Variants in RBPMS observed in about 807,000 individuals in gnomAD.
The protein encoded by RBPMS is RNA-binding protein with multiple splicing.
In RBPMS, 7 loss-of-function variants were observed where a neutral mutation model predicts 26.8. The ratio of observed to expected loss-of-function variants is 0.26; its 90% CI spans 0.15 to 0.49. The LOEUF is 0.49. Ranked by LOEUF, RBPMS falls within the 20% of genes least tolerant of loss-of-function variation. The pLI is 0.98. For synonymous variants in RBPMS, 96 were observed against 93.3 expected (o/e 1.03, Z -0.17); for missense variants, 186 against 250.0 (o/e 0.74, Z 1.73).
chr8:30,556,221 C>G, intron 6 of RBPMS: 1 of 985,424 alleles, frequency 1.0e-6, no homozygotes, highest in Non-Finnish European at 1.2e-6. Flanking sequence ...CCACCTATTG[C>G]ATCACTGGCG....
intron 6 of RBPMS, among the ~76,000 whole-genome samples, chr8:30,545,981 C>A (rs2151052681): frequency 6.6e-6 from 1 of 152,304 alleles, no homozygotes; most frequent in East Asian, 1.9e-4. Flanking sequence ...CCTTCCCCTG[C>A]TGCTTTTTCT....
At chr8:30,453,290 GC>G (rs1186937094) in intron 1 of RBPMS, among the ~76,000 whole-genome samples, 1 of 152,096 alleles carries the variant, frequency 6.6e-6, no homozygotes, top group Non-Finnish European at 1.5e-5. Flanking sequence ...CAGAATCTCA[GC>G]CCCCACGTTA....
In RBPMS at chr8:30,511,538, T is replaced by TACC. The variant is rs1821696418; in HGVS notation, c.397+7102_397+7103insACC. Among the ~76,000 whole-genome samples the TACC allele has an allele frequency of 2.3e-5, 3 of 130,786 alleles. No homozygotes were observed. The East Asian group carries it at 7.2e-4, about 32-fold the overall frequency. The allele number at this position is 130,786 out of a possible 152,430, so 85.8% of individuals were successfully genotyped here. ...ATATATATATATATTTCTGTGTGTG[T>TACC]GTGTGTGTGTGTATGTATAGATATA... On this transcript the variant is annotated intron_variant, in intron 5 of 8. Coordinates refer to ENST00000397323, the MANE Select transcript of RBPMS (RefSeq NM_001008710.3).
intron 1 of RBPMS, chr8:30,446,854 C>CACACGT (rs113940653): frequency 2.2e-5 from 3 of 138,074 alleles, no homozygotes; most frequent in African/African-American, 2.9e-5. Flanking sequence ...CGCGCGCGCG[C>CACACGT]GCGCGGTGGA....
At chr8:30,472,173 T>A (rs1245493474) in intron 1 of RBPMS, among the ~76,000 whole-genome samples, 1 of 152,234 alleles carries the variant, frequency 6.6e-6, no homozygotes, top group East Asian at 1.9e-4. Flanking sequence ...AACATGTGAA[T>A]GGATAAACTG....
chr8:30,501,865 CTT>C (rs1319162535), intron 4 of RBPMS, among the ~76,000 whole-genome samples: 3 of 152,110 alleles, frequency 2.0e-5, no homozygotes, highest in African/African-American at 4.8e-5. Flanking sequence ...ATTTTTTTCT[CTT>C]GTCTTCTTCC....
intron 1 of RBPMS, among the ~76,000 whole-genome samples, chr8:30,422,703 G>T (rs551739281): frequency 2.0e-5 from 3 of 152,260 alleles, no homozygotes; most frequent in African/African-American, 7.2e-5. Flanking sequence ...ATAGATACCT[G>T]AGTGTGGATT....
intron 1 of RBPMS, among the ~76,000 whole-genome samples, chr8:30,436,689 A>T (rs1377986349): frequency 6.6e-6 from 1 of 152,108 alleles, no homozygotes; most frequent in African/African-American, 2.4e-5. Flanking sequence ...CTGCTTCTCC[A>T]AGTCTAGGGT....
chr8:30,520,370 C>T (rs1822899546), intron 5 of RBPMS, among the ~76,000 whole-genome samples: 1 of 152,134 alleles, frequency 6.6e-6, no homozygotes, highest in Non-Finnish European at 1.5e-5. Flanking sequence ...ATTGTTTCCC[C>T]TTTCCCTACT....
At chr8:30,546,361 T>C (rs1825867798) in intron 6 of RBPMS, among the ~76,000 whole-genome samples, 1 of 152,242 alleles carries the variant, frequency 6.6e-6, no homozygotes, top group South Asian at 2.1e-4. Flanking sequence ...CAGAAAGTAC[T>C]GGGAATAGTG....
In RBPMS at chr8:30,385,024, T is replaced by A; in HGVS notation, c.-69T>A. ...CCCCGGCGCCCGGGGAAGGCTCCAG[T>A]GGGCTAGCGCGCCCTCGCCCAGCCC... On this transcript the variant is annotated 5_prime_UTR_variant, in exon 1 of 9. Coordinates refer to ENST00000397323, the MANE Select transcript of RBPMS (RefSeq NM_001008710.3). 1 of 1,303,146 alleles carries A rather than the reference T, an allele frequency of 7.7e-7. No homozygotes were observed. 80.7% of individuals were successfully genotyped at this position (1,303,146 alleles called of 1,614,324 possible).
chr8:30,545,048 A>G, intron 6 of RBPMS: 1 of 1,391,310 alleles, frequency 7.2e-7, no homozygotes, highest in Non-Finnish European at 9.4e-7. Flanking sequence ...AGAGTTTTCC[A>G]CTCTCGTGTA....
At chr8:30,570,100 CTA>C (rs1828165844) in intron 8 of RBPMS, among the ~76,000 whole-genome samples, 1 of 152,182 alleles carries the variant, frequency 6.6e-6, no homozygotes, top group Non-Finnish European at 1.5e-5. Flanking sequence ...ATCCCGTACG[CTA>C]TGTTTCAGTG....
intron 6 of RBPMS, chr8:30,552,890 T>C (rs760503669): frequency 6.6e-6 from 1 of 152,238 alleles, no homozygotes; most frequent in Non-Finnish European, 1.5e-5. Flanking sequence ...GTCCTTGTGG[T>C]CTAGACCTTG....
rs748973216 is a variant in RBPMS at position 30,385,105 on chromosome 8, G to T, written c.13G>T (p.Gly5Cys). 1.3e-6 allele frequency: 2 copies of T among 1,524,582 alleles called. No individual in the cohort carries two copies. Among genetic ancestry groups the T allele is most frequent in the East Asian group, 2.7e-5 (1 of 36,848 alleles). 94.4% of individuals were successfully genotyped at this position (1,524,582 alleles called of 1,614,324 possible). MNNG[G>C]KAEKENTPSE... Reference sequence around the variant, plus strand: ...AAGGACCGGGAAGATGAACAACGGCGGCAAAGCCGAGAAGGAGAACACCCC... The same window carrying T: ...AAGGACCGGGAAGATGAACAACGGCTGCAAAGCCGAGAAGGAGAACACCCC... Residue 5 changes from glycine (G) to cysteine (C), a missense_variant, in exon 1 of 9, where the codon GGC (glycine) becomes TGC (cysteine). Physicochemically the swap from Gly to Cys is radical, Grantham distance 159. Transcript: ENST00000397323.
chr8:30,565,805 G>C (rs1315924120), intron 7 of RBPMS: 1 of 152,550 alleles, frequency 6.6e-6, no homozygotes, highest in Admixed American at 6.5e-5. Context: ...GCTGTTTCTG[G>C]ATCTTGCTGT....
At chr8:30,533,911 A>G (rs1824520995) in intron 5 of RBPMS, among the ~76,000 whole-genome samples, 1 of 152,108 alleles carries the variant, frequency 6.6e-6, no homozygotes, top group Non-Finnish European at 1.5e-5. Context: ...AGGTGGGTGA[A>G]TCACGAGGTC....
At chr8:30,547,998 C>T (rs970830365) in intron 6 of RBPMS, among the ~76,000 whole-genome samples, 30 of 152,156 alleles carry the variant, frequency 2.0e-4, no homozygotes, top group South Asian at 4.1e-4. Flanking sequence ...CATCAGATCC[C>T]GTTTTTTAGA....
Position 30,515,306 on chromosome 8 carries a change from G to A in RBPMS, c.397+10870G>A, listed in dbSNP as rs192694426. On this transcript the variant is annotated intron_variant, in intron 5 of 8. Coordinates refer to ENST00000397323, the MANE Select transcript of RBPMS (RefSeq NM_001008710.3). The stretch of plus-strand genomic sequence containing the variant: ...GATTTTAATGGAACATAATAGGAAA[G>A]CTCATTGATAAGGTTTCAGATTCCA... 3.8e-3 allele frequency among the ~76,000 whole-genome samples: 573 copies of A among 152,288 alleles called. 4 individuals are homozygous for A. The highest frequency in any genetic ancestry group is 0.014 in the African/African-American group (562 of 41,556).
Sources: allele counts gnomAD v4.1 joint callset (sites outside exome capture counted in the v4.1 genomes callset), GRCh38; gene constraint gnomAD v4.1.1; transcripts MANE v1.5; gene names NCBI Gene and HGNC (gene_info 2026-07-23, HGNC 2026-07-21).